Variants in CCDC124 observed in about 807,000 individuals in gnomAD.
The protein encoded by CCDC124 is coiled-coil domain containing 124.
In CCDC124, 9 loss-of-function variants were observed where a neutral mutation model predicts 19.8. The observed-to-expected ratio is 0.45, with a 90% CI of 0.27 to 0.79. The LOEUF is 0.79. Ranked by LOEUF, CCDC124 falls within the 30% of genes least tolerant of loss-of-function variation. The probability of loss-of-function intolerance (pLI) is 0.14; values close to 1 mark genes in which losing one functional copy is unlikely to be tolerated. For synonymous variants in CCDC124, 126 were observed against 131.3 expected, an observed-to-expected ratio of 0.96 and a Z score of 0.27; for missense variants, 285 against 319.0, an observed-to-expected ratio of 0.89 and a Z score of 0.81.
At chr19:17,936,311 C>T (rs943259274) in intron 1 of CCDC124, 99 bp from the exon 2 acceptor site, 2 of 989,832 alleles carry the variant, frequency 2.0e-6, no homozygotes, top group Non-Finnish European at 3.0e-6. Flanking sequence ...GCCACAGAGG[C>T]CCCAAGAGGG....
At position 17,943,808 on chromosome 19, in the gene CCDC124, G is replaced by T; in HGVS notation, c.*93G>T. ...AGGTCAGCTGCGAGGGTCACAGAGCGTTCCGGGGGCCAAGGCGCCGGGCCC... is the reference window on the plus strand; with the variant it reads ...AGGTCAGCTGCGAGGGTCACAGAGCTTTCCGGGGGCCAAGGCGCCGGGCCC... On this transcript the variant is annotated 3_prime_UTR_variant, in exon 5 of 5. Coordinates refer to ENST00000445755, the MANE Select transcript of CCDC124 (RefSeq NM_001136203.2). The T allele has an allele frequency of 7.6e-7, 1 of 1,315,696 alleles. No homozygotes were observed. The highest frequency in any genetic ancestry group is 1.1e-6 in the Non-Finnish European group (1 of 943,890). The allele number at this position is 1,315,696 out of a possible 1,614,324, so 81.5% of individuals were successfully genotyped here.
Position 17,936,735 on chromosome 19 carries a change from C to G in CCDC124, c.159+156C>G, listed in dbSNP as rs146383550. ...GTCGCTCACGCCTGTCATCCCAGTA[C>G]TTTGGGAGGCCGAGGCAGGCAGATC... On this transcript the variant is annotated intron_variant, in intron 2 of 4. Transcript: ENST00000445755. 1,919 of 889,192 alleles carry G rather than the reference C, an allele frequency of 2.2e-3. 25 individuals carry two copies. The African/African-American group carries it at 0.025, about 12-fold the overall frequency. 55.1% of individuals were successfully genotyped at this position (889,192 alleles called of 1,614,324 possible).
chr19:17,943,155 C>A, intron 3 of CCDC124, 106 bp from the exon 4 acceptor site: 1 of 970,164 alleles, frequency 1.0e-6, no homozygotes, highest in Non-Finnish European at 1.6e-6. Context: ...ATCTCTCCCG[C>A]CTTCCTCCCG....
chr19:17,934,322 G>C (rs2092066986), intron 1 of CCDC124, among the ~76,000 whole-genome samples: 1 of 148,860 alleles, frequency 6.7e-6, no homozygotes, highest in South Asian at 2.1e-4. Context: ...GTGGGTGGAG[G>C]TTGCAGTGAG....
In CCDC124 at chr19:17,942,675, G is replaced by C; in HGVS notation, c.179G>C (p.Arg60Pro). Residue 60 changes from arginine (R) to proline (P), a missense_variant, in exon 3 of 5, where the codon CGC (arginine) becomes CCC (proline). Transcript: ENST00000445755. This position sits in a 1 kb window ranked among gnomAD's most constrained non-coding sequence, Gnocchi z 4.2. ...CCGCAGGAGGAGAAGGAGAAGCGGC[G>C]CCTCGACCAGCTGGAACGTAAGAAG... Reference protein sequence around the residue: ...EQRKEEKEKRRLDQLERKKET... With the variant: ...EQRKEEKEKRPLDQLERKKET... 6.4e-7 allele frequency: 1 copy of C among 1,555,828 alleles called. No individual in the cohort carries two copies. The highest frequency in any genetic ancestry group is 8.7e-7 in the Non-Finnish European group (1 of 1,149,772).
At chr19:17,940,443 G>C (rs902743755) in intron 2 of CCDC124, among the ~76,000 whole-genome samples, 15 of 152,130 alleles carry the variant, frequency 9.9e-5, no homozygotes, top group African/African-American at 3.4e-4. Flanking sequence ...CAGTAGGTTA[G>C]CAAATAGGTG....
At position 17,943,420 on chromosome 19, in the gene CCDC124, A is replaced by G. The variant is rs373972823; in HGVS notation, c.464+45A>G. On this transcript the variant is annotated intron_variant, in intron 4 of 4. Transcript: ENST00000445755. Reference sequence around the variant, plus strand: ...GGCTTTCCCAGGGGTGGAGCTGGTCATCGGGGGCGGGGCTACCTGGGGGCG... The same window carrying G: ...GGCTTTCCCAGGGGTGGAGCTGGTCGTCGGGGGCGGGGCTACCTGGGGGCG... 1,036 of 1,225,408 alleles carry G rather than the reference A, an allele frequency of 8.5e-4. 6 individuals carry two copies. Among genetic ancestry groups the G allele is most frequent in the Non-Finnish European group, 3.9e-4 (341 of 879,154 alleles). 75.9% of individuals were successfully genotyped at this position (1,225,408 alleles called of 1,614,324 possible).
intron 2 of CCDC124, among the ~76,000 whole-genome samples, chr19:17,940,627 G>A (rs1046583444): frequency 1.3e-5 from 2 of 151,188 alleles, no homozygotes; most frequent in Non-Finnish European, 2.9e-5. Flanking sequence ...TTAGCCGGGC[G>A]TGGTGGCGGG....
At position 17,942,918 on chromosome 19, in the gene CCDC124, C is replaced by G. The variant is rs2031218857; in HGVS notation, c.349+73C>G. The G allele has an allele frequency of 7.0e-7, 1 of 1,437,852 alleles. No individual in the cohort carries two copies. The highest frequency in any genetic ancestry group is 2.5e-5 in the East Asian group (1 of 40,134). 89.1% of individuals were successfully genotyped at this position (1,437,852 alleles called of 1,614,324 possible). On this transcript the variant is annotated intron_variant, in intron 3 of 4. Transcript: ENST00000445755. The surrounding 1 kb of genome is among the most constrained non-coding windows in gnomAD (Gnocchi z 4.2). ...GCAGTGGACCTTGAGTCCATTAGCC[C>G]CCTCCTGGCCCCCAGAGAAGCTGCC...
Position 17,942,495 on chromosome 19 carries a change from C to A in CCDC124, c.160-161C>A, listed in dbSNP as rs548056297. 6.6e-6 allele frequency among the ~76,000 whole-genome samples: 1 copy of A among 152,180 alleles called. No homozygotes were observed. The highest frequency in any genetic ancestry group is 1.5e-5 in the Non-Finnish European group (1 of 68,024). On this transcript the variant is annotated intron_variant, in intron 2 of 4. Transcript: ENST00000445755. The surrounding 1 kb of genome is among the most constrained non-coding windows in gnomAD (Gnocchi z 4.2). ...GTTCCCCTGTTGGCCTCACATCCCC[C>A]GCCCAGGGCAGCACCGGGACCTATC...
intron 3 of CCDC124, among the ~76,000 whole-genome samples, 193 bp from the exon 4 acceptor site, chr19:17,943,068 C>A (rs960086757): frequency 6.6e-6 from 1 of 152,150 alleles, no homozygotes; most frequent in African/African-American, 2.4e-5. Context: ...GAAAGTAAGG[C>A]AGAGAACTGG....
At chr19:17,935,740 C>T (rs2031046880) in intron 1 of CCDC124, among the ~76,000 whole-genome samples, 1 of 152,114 alleles carries the variant, frequency 6.6e-6, no homozygotes, top group Non-Finnish European at 1.5e-5. Context: ...CGCCACCACA[C>T]CCAGCAATTT....
Position 17,942,613 on chromosome 19 carries a change from G to T in CCDC124, c.160-43G>T, listed in dbSNP as rs760591349. The T allele has an allele frequency of 6.5e-7, 1 of 1,545,244 alleles. No homozygotes were observed. Among genetic ancestry groups the T allele is most frequent in the East Asian group, 2.4e-5 (1 of 41,086 alleles). On this transcript the variant is annotated intron_variant, in intron 2 of 4. Transcript: ENST00000445755. This position sits in a 1 kb window ranked among gnomAD's most constrained non-coding sequence, Gnocchi z 4.2. The stretch of plus-strand genomic sequence containing the variant: ...AACCCCAGGCTAGTGGGTGGCGCGG[G>T]GGTGTGGGGTCTTCTGCCTGACCAT...
intron 1 of CCDC124, among the ~76,000 whole-genome samples, chr19:17,933,476 C>G (rs77450653): frequency 0.011 from 1,635 of 152,276 alleles, 30 homozygotes; most frequent in African/African-American, 0.037. Flanking sequence ...TCTTGATTCG[C>G]TTCTAAGTGT....
chr19:17,936,771 A>T, intron 2 of CCDC124, 192 bp downstream of exon 2: 1 of 592,770 alleles, frequency 1.7e-6, no homozygotes, highest in South Asian at 2.5e-5. Context: ...ACCTGGGGTC[A>T]GGAGTTCAAG....
chr19:17,935,460 G>C (rs140873009), intron 1 of CCDC124, among the ~76,000 whole-genome samples: 124 of 151,294 alleles, frequency 8.2e-4, no homozygotes, highest in Middle Eastern at 3.4e-3. Flanking sequence ...TCGCTCTGTC[G>C]CCTAGGCTGG....
intron 1 of CCDC124, among the ~76,000 whole-genome samples, chr19:17,934,883 G>T (rs1337753189): frequency 6.9e-6 from 1 of 145,336 alleles, no homozygotes; most frequent in Non-Finnish European, 1.5e-5. Context: ...ATTGTATCAT[G>T]TATGTATTGG....
intron 2 of CCDC124, among the ~76,000 whole-genome samples, chr19:17,937,152 G>T (rs931092601): frequency 6.6e-6 from 1 of 152,056 alleles, no homozygotes; most frequent in Non-Finnish European, 1.5e-5. Context: ...ATGGTGGCAG[G>T]CTCCTGTAAT....
chr19:17,935,255 G>A (rs1415857454), intron 1 of CCDC124: 2 of 152,238 alleles, frequency 1.3e-5, no homozygotes, highest in South Asian at 2.1e-4. Flanking sequence ...AACAGGGAAA[G>A]CCACAGAGAC....
Sources: gnomAD v4.1 joint callset for allele counts (sites outside exome capture counted in the v4.1 genomes callset) on GRCh38, gnomAD v4.1.1 for gene constraint, Gnocchi (gnomAD v3.1) non-coding constraint, MANE v1.5 for transcripts, NCBI Gene and HGNC (gene_info 2026-07-23, HGNC 2026-07-21) for gene names.